DGKZ: variants seen among roughly 807,000 people sequenced by gnomAD.
The protein encoded by DGKZ is diacylglycerol kinase zeta, also known as DAG kinase zeta.
Under a neutral mutation model 142.5 loss-of-function variants are expected in DGKZ, and 45 were observed. The ratio of observed to expected loss-of-function variants is 0.32; its 90% CI spans 0.25 to 0.40. The LOEUF is 0.40. Among genes scored for constraint, DGKZ ranks in the 10% least tolerant of loss-of-function variants. DGKZ has a pLI of 1.00. For synonymous variants in DGKZ, 442 were observed against 527.0 expected (o/e 0.84, Z 2.21); for missense variants, 755 against 1,306.5 (o/e 0.58, Z 6.51).
upstream of DGKZ, among the ~76,000 whole-genome samples, chr11:46,343,123 C>CA (rs367778977): frequency 0.025 from 3,451 of 137,420 alleles, 39 homozygotes; most frequent in African/African-American, 0.028. Context: ...GGCTCAGTCT[C>CA]AAAAAAAAAC....
At chr11:46,373,100 G>T (rs776115020) in exon 14 of DGKZ, 63 of 1,542,702 alleles carry the variant, frequency 4.1e-5, no homozygotes, top group Non-Finnish European at 5.4e-5. Context: ...GCCACCGACC[G>T]GGTAAGTTGG....
intron 5 of DGKZ, 169 bp from the exon 6 acceptor site, chr11:46,369,772 A>G: frequency 1.1e-6 from 1 of 889,068 alleles, no homozygotes; most frequent in East Asian, 2.6e-5. Context: ...TGTCCCTCTG[A>G]GTCTGAGCCT....
chr11:46,374,747 C>T lies in DGKZ; in HGVS notation c.1525-19C>T, dbSNP rs1287151328. The T allele has an allele frequency of 6.2e-7, 1 of 1,612,394 alleles. No individual in the cohort carries two copies. The highest frequency in any genetic ancestry group is 1.3e-5 in the African/African-American group (1 of 74,902). ...CCACCTGGCACATGCACCTCAACACCCTCCCCGCCCGCCTCCAGTGTGATG... is the reference window on the plus strand; with the variant it reads ...CCACCTGGCACATGCACCTCAACACTCTCCCCGCCCGCCTCCAGTGTGATG... On this transcript the variant is annotated intron_variant, in intron 17 of 30. Coordinates refer to ENST00000527911, the Ensembl canonical transcript of DGKZ.
intron 1 of DGKZ, among the ~76,000 whole-genome samples, chr11:46,355,077 G>A (rs999515602): frequency 1.3e-5 from 2 of 152,158 alleles, no homozygotes; most frequent in Non-Finnish European, 2.9e-5. Flanking sequence ...CGAAGTAGTT[G>A]TCCTAATTTT....
chr11:46,356,622 G>A (rs895960959), intron 1 of DGKZ, among the ~76,000 whole-genome samples: 4 of 152,154 alleles, frequency 2.6e-5, no homozygotes, highest in Non-Finnish European at 5.9e-5. Flanking sequence ...ATGCCACGTG[G>A]TGCCACGTGG....
intron 1 of DGKZ, among the ~76,000 whole-genome samples, chr11:46,354,759 A>C (rs939389934): frequency 1.3e-5 from 2 of 152,208 alleles, no homozygotes; most frequent in African/African-American, 2.4e-5. Flanking sequence ...AGCAACATAC[A>C]GTGCTGTTTC....
chr11:46,345,565 A>G (rs1477338615), upstream of DGKZ: 3 of 1,528,148 alleles, frequency 2.0e-6, no homozygotes, highest in Non-Finnish European at 2.6e-6. This position sits in a 1 kb window ranked among gnomAD's most constrained non-coding sequence, Gnocchi z 4.1. Context: ...CACAGATCCC[A>G]TCAGAGGCAC....
intron 14 of DGKZ, among the ~76,000 whole-genome samples, chr11:46,373,735 T>C (rs1487633604): frequency 1.3e-5 from 2 of 152,156 alleles, no homozygotes; most frequent in African/African-American, 4.8e-5. Context: ...TGACCTCAGG[T>C]GATCCATCTG....
At chr11:46,377,267 C>G (rs545223427) in intron 25 of DGKZ, 55 bp downstream of exon 25, 1 of 1,525,998 alleles carries the variant, frequency 6.6e-7, no homozygotes, top group South Asian at 1.3e-5. Flanking sequence ...CACCTGTAAG[C>G]CGATGACTTC....
At chr11:46,380,249 C>A in exon 31 of DGKZ, 1 of 262,028 alleles carries the variant, frequency 3.8e-6, no homozygotes, top group Non-Finnish European at 7.3e-6. Flanking sequence ...GCAGCAGATG[C>A]CCTCCCAGGA....
intron 27 of DGKZ, 55 bp from the exon 28 acceptor site, chr11:46,378,936 A>G (rs2136521342): frequency 6.7e-7 from 1 of 1,500,894 alleles, no homozygotes; most frequent in Non-Finnish European, 8.8e-7. Flanking sequence ...GTGTGAGCTC[A>G]GGGAAGGAGG....
chr11:46,353,886 C>T (rs1433504859), intron 1 of DGKZ, among the ~76,000 whole-genome samples: 5 of 152,238 alleles, frequency 3.3e-5, no homozygotes, highest in East Asian at 1.9e-4. Flanking sequence ...AGCCTGGGCC[C>T]GCACCGCCCA....
chr11:46,352,410 G>A (rs1156756229), intron 1 of DGKZ, among the ~76,000 whole-genome samples: 1 of 152,218 alleles, frequency 6.6e-6, no homozygotes, highest in Non-Finnish European at 1.5e-5. Context: ...GTTACCTGCA[G>A]CTCTAGCTGC....
chr11:46,365,533 G>T, intron 1 of DGKZ: 1 of 985,440 alleles, frequency 1.0e-6, no homozygotes, highest in Non-Finnish European at 1.2e-6. Flanking sequence ...TCCCAGGAGA[G>T]CCAGACAGTG....
upstream of DGKZ, among the ~76,000 whole-genome samples, chr11:46,344,869 C>T (rs767775456): frequency 2.6e-5 from 4 of 152,068 alleles, no homozygotes; most frequent in Non-Finnish European, 5.9e-5. Flanking sequence ...TAGAGGACTC[C>T]GAGAGGTTTA....
At chr11:46,375,858 C>G (rs1157641665) in exon 21 of DGKZ, 4 of 1,561,154 alleles carry the variant, frequency 2.6e-6, no homozygotes, top group Non-Finnish European at 3.5e-6. Flanking sequence ...CAGCCAGCAG[C>G]CGGTGCCAGA....
At chr11:46,368,229 C>T in intron 4 of DGKZ, 150 bp downstream of exon 4, 1 of 799,050 alleles carries the variant, frequency 1.3e-6, no homozygotes, top group Non-Finnish European at 2.1e-6. Context: ...AGCCAAATGC[C>T]TGCGTTCGAA....
exon 1 of DGKZ, chr11:46,333,064 G>C: frequency 2.7e-6 from 1 of 376,892 alleles, no homozygotes; most frequent in Non-Finnish European, 4.6e-6. Flanking sequence ...CGCCCCCCCG[G>C]AGCGCAGGAG....
At chr11:46,333,276 A>G in exon 1 of DGKZ, 1 of 1,252,412 alleles carries the variant, frequency 8.0e-7, no homozygotes, top group Non-Finnish European at 1.0e-6. Context: ...CGGCCGCACG[A>G]TGGCCGAGGG....
Sources: allele counts gnomAD v4.1 joint callset (sites outside exome capture counted in the v4.1 genomes callset), GRCh38; gene constraint gnomAD v4.1.1; non-coding constraint Gnocchi (gnomAD v3.1); transcripts MANE v1.5; gene names NCBI Gene and HGNC (gene_info 2026-07-23, HGNC 2026-07-21).